SLC25A13: variants seen among roughly 807,000 people sequenced by gnomAD.
SLC25A13 encodes the protein solute carrier family 25 member 13.
A neutral mutation model predicts 85.5 loss-of-function variants in SLC25A13; 70 were observed. That is an observed-to-expected ratio of 0.82 (90% CI 0.68 to 1.00). SLC25A13 has a LOEUF of 1.00. SLC25A13 is among the 50% of genes least tolerant of loss of function. SLC25A13 has a pLI of 0.00. For missense variants in SLC25A13, 765 were observed against 819.8 expected (o/e 0.93, Z 0.82); for synonymous variants, 259 against 288.7 (o/e 0.90, Z 1.04).
At position 96,170,115 on chromosome 7, in the gene SLC25A13, A is replaced by G; in HGVS notation, c.1241T>C (p.Phe414Ser). The G allele has an allele frequency of 6.2e-7, 1 of 1,614,186 alleles. No individual in the cohort carries two copies. Among genetic ancestry groups the G allele is most frequent in the Non-Finnish European group, 8.5e-7 (1 of 1,180,010 alleles). Residue 414 changes from phenylalanine (F) to serine (S), a missense_variant, in exon 13 of 18, where the codon TTT (phenylalanine) becomes TCT (serine). Physicochemically the swap from Phe to Ser is radical, Grantham distance 155. Coordinates refer to ENST00000265631, the MANE Select transcript of SLC25A13 (RefSeq NM_014251.3). ...EKAIKLTVNDFVRDKFMHKDG... is the reference protein window; with the variant it reads ...EKAIKLTVNDSVRDKFMHKDG... ...TTTGTGCATAAATTTATCCCTCACA[A>G]AATCGTTCACCTTGAAGAAAAATAT...
intron 1 of SLC25A13, chr7:96,309,809 C>T (rs1045540500): frequency 3.3e-5 from 5 of 152,142 alleles, no homozygotes; most frequent in Non-Finnish European, 5.9e-5. Context: ...TGAACTGTGT[C>T]CCCCACACCT....
intron 4 of SLC25A13, among the ~76,000 whole-genome samples, chr7:96,228,223 T>C (rs1367273047): frequency 4.6e-5 from 7 of 152,208 alleles, no homozygotes; most frequent in African/African-American, 7.2e-5. Context: ...TGATAATTTG[T>C]ACTACATTAA....
intron 3 of SLC25A13, among the ~76,000 whole-genome samples, chr7:96,264,513 T>C (rs1797975089): frequency 6.6e-6 from 1 of 152,204 alleles, no homozygotes; most frequent in African/African-American, 2.4e-5. Flanking sequence ...TCAGCATTTC[T>C]CAAAAATTTT....
At chr7:96,225,226 C>T (rs940376156) in intron 4 of SLC25A13, among the ~76,000 whole-genome samples, 7 of 152,054 alleles carry the variant, frequency 4.6e-5, no homozygotes, top group Non-Finnish European at 1.0e-4. Context: ...CATGGCCAAT[C>T]GGGAGCCAAG....
At chr7:96,307,878 G>A (rs757048475) in intron 1 of SLC25A13, among the ~76,000 whole-genome samples, 3 of 151,448 alleles carry the variant, frequency 2.0e-5, no homozygotes, top group South Asian at 2.1e-4. Context: ...GCGGCCGGGC[G>A]CAGTGGCTCA....
intron 13 of SLC25A13, among the ~76,000 whole-genome samples, chr7:96,161,152 T>A (rs1172456002): frequency 6.6e-6 from 1 of 152,200 alleles, no homozygotes; most frequent in Non-Finnish European, 1.5e-5. Context: ...TTTATCTTCA[T>A]CCTGTTCTTA....
rs1168438073 is a variant in SLC25A13 at position 96,277,241 on chromosome 7, T to C, written c.167A>G (p.Lys56Arg). 1.4e-5 allele frequency: 23 copies of C among 1,609,772 alleles called. No individual in the cohort carries two copies. Among genetic ancestry groups the C allele is most frequent in the Non-Finnish European group, 1.8e-5 (21 of 1,177,806 alleles). ...CACTCCACTTAAAAGTTCCACAGTC[T>C]TTGGATTAGGCTGGCTTTCTCCAAA... ...NIFGESQPNP[K>R]TVELLSGVVD... Residue 56 changes from lysine (K) to arginine (R), a missense_variant, in exon 3 of 18, where the codon AAG becomes AGG. Lys to Arg is a conservative substitution (Grantham distance 26). Transcript: ENST00000265631.
intron 13 of SLC25A13, among the ~76,000 whole-genome samples, chr7:96,160,842 A>C (rs1562804216): frequency 1.3e-5 from 2 of 152,230 alleles, no homozygotes; most frequent in Non-Finnish European, 2.9e-5. Flanking sequence ...TCATTGGAGT[A>C]GGCAAGCAGT....
intron 3 of SLC25A13, among the ~76,000 whole-genome samples, chr7:96,253,065 G>A (rs1319190718): frequency 6.6e-6 from 1 of 152,204 alleles, no homozygotes; most frequent in East Asian, 1.9e-4. Flanking sequence ...CTGCACTCCA[G>A]CCTGGCTAAC....
rs559799182 is a variant in SLC25A13, at chr7:96,169,966, G to C, written c.1311+79C>G. The C allele has an allele frequency of 3.4e-4, 481 of 1,395,902 alleles. No homozygotes were observed. The highest frequency in any genetic ancestry group is 4.6e-4 in the Non-Finnish European group (450 of 981,056). 86.5% of individuals were successfully genotyped at this position (1,395,902 alleles called of 1,614,324 possible). A position where few individuals can be genotyped will look rare whatever the true frequency, so the allele number is the denominator to read the frequency against. ...GATCTGTGGTTAAACAGAAGCCTTA[G>C]TCCACACCTGTTGACCATGGTAGTG... On this transcript the variant is annotated intron_variant, in intron 13 of 17. Coordinates refer to ENST00000265631, the MANE Select transcript of SLC25A13 (RefSeq NM_014251.3).
At chr7:96,304,880 AATGT>A (rs1799687864) in intron 1 of SLC25A13, among the ~76,000 whole-genome samples, 2 of 152,244 alleles carry the variant, frequency 1.3e-5, no homozygotes, top group African/African-American at 4.8e-5. Context: ...GTTGGTACAA[AATGT>A]ATGATGATAC....
At chr7:96,193,318 GCAC>G in intron 5 of SLC25A13, 135 bp from the exon 6 acceptor site, 1 of 1,009,214 alleles carries the variant, frequency 9.9e-7, no homozygotes, top group Non-Finnish European at 1.5e-6. Flanking sequence ...CTGCCTAATA[GCAC>G]CACCAAGCTA....
rs1257398567 is a variant in SLC25A13, at chr7:96,269,024, T to C, written c.212+8172A>G. 5.3e-5 allele frequency among the ~76,000 whole-genome samples: 8 copies of C among 152,334 alleles called. No individual in the cohort carries two copies. The East Asian group carries it at 1.5e-3, about 29-fold the overall frequency. ...TCTCTCTCTTTCATAGCAGTATCAC[T>C]ACATCAATTCACATTTATTTCAGGC... On this transcript the variant is annotated intron_variant, in intron 3 of 17. Transcript: ENST00000265631.
chr7:96,286,799 T>C lies in SLC25A13; in HGVS notation c.70-9461A>G, dbSNP rs1343985795. 2.0e-5 allele frequency among the ~76,000 whole-genome samples: 3 copies of C among 152,186 alleles called. No individual in the cohort carries two copies. The East Asian group carries it at 5.8e-4, about 29-fold the overall frequency. ...TCTCAAACAAATGAAAAGGGCAGAA[T>C]TGGGCTCATTTTAATCCCCTAGGAG... On this transcript the variant is annotated intron_variant, in intron 2 of 17. Coordinates refer to ENST00000265631, the MANE Select transcript of SLC25A13 (RefSeq NM_014251.3).
intron 1 of SLC25A13, among the ~76,000 whole-genome samples, chr7:96,307,141 A>AG (rs1162476538): frequency 1.5e-4 from 3 of 19,510 alleles, no homozygotes; most frequent in Non-Finnish European, 2.8e-4. Context: ...TTTGTAATTT[A>AG]AAAAAAAAAA....
chr7:96,194,269 TACA>T (rs1562832659), intron 5 of SLC25A13, among the ~76,000 whole-genome samples: 1 of 14,904 alleles, frequency 6.7e-5, no homozygotes, highest in Non-Finnish European at 1.6e-4. Flanking sequence ...ACCCCATCTC[TACA>T]AAAAAAAAAA....
At chr7:96,183,783 T>C (rs1482261446) in intron 11 of SLC25A13, among the ~76,000 whole-genome samples, 2 of 152,148 alleles carry the variant, frequency 1.3e-5, no homozygotes, top group South Asian at 2.1e-4. Flanking sequence ...TAGAGGGGTG[T>C]GTGAATCAAC....
In SLC25A13 at chr7:96,120,702, T is replaced by TCC. The variant is rs2116377609; in HGVS notation, c.*488_*489insGG. 2.2e-6 allele frequency: 1 copy of TCC among 454,512 alleles called. No individual in the cohort carries two copies. Among genetic ancestry groups the TCC allele is most frequent in the Non-Finnish European group, 4.4e-6 (1 of 226,832 alleles). 28.2% of individuals were successfully genotyped at this position (454,512 alleles called of 1,614,324 possible). A position where few individuals can be genotyped will look rare whatever the true frequency, so the allele number is the denominator to read the frequency against. On this transcript the variant is annotated 3_prime_UTR_variant, in exon 18 of 18. Transcript: ENST00000265631. ...TCCAGAGACAGAATTTGTGCATGCT[T>TCC]ACAATTTGAAGCCAGGCTGAATATA...
At chr7:96,285,090 G>A (rs1488747505) in intron 2 of SLC25A13, among the ~76,000 whole-genome samples, 1 of 151,770 alleles carries the variant, frequency 6.6e-6, no homozygotes, top group Non-Finnish European at 1.5e-5. Flanking sequence ...CGAGCTACTG[G>A]CTCCCTCTCA....
Sources: gnomAD v4.1 joint callset for allele counts (sites outside exome capture counted in the v4.1 genomes callset) on GRCh38, gnomAD v4.1.1 for gene constraint, MANE v1.5 for transcripts, NCBI Gene and HGNC (gene_info 2026-07-23, HGNC 2026-07-21) for gene names.